VWA8: variants seen among roughly 807,000 people sequenced by gnomAD.
VWA8 encodes von Willebrand factor A domain-containing protein 8.
Under a neutral mutation model 241.5 loss-of-function variants are expected in VWA8, and 221 were observed. The observed-to-expected ratio is 0.91, with a 90% CI of 0.82 to 1.02. VWA8 has a LOEUF of 1.02. Ranked by LOEUF, VWA8 falls within the 50% of genes least tolerant of loss-of-function variation. The probability of loss-of-function intolerance (pLI) is 0.00; values close to 1 mark genes in which losing one functional copy is unlikely to be tolerated. For missense variants in VWA8, 2,322 were observed against 2,328.7 expected, an observed-to-expected ratio of 1.00 and a Z score of 0.06; for synonymous variants, 852 against 827.1, an observed-to-expected ratio of 1.03 and a Z score of -0.52.
chr13:41,686,111 C>G (rs973191403), intron 34 of VWA8, among the ~76,000 whole-genome samples: 1 of 152,122 alleles, frequency 6.6e-6, no homozygotes, highest in Admixed American at 6.6e-5. Context: ...TCATAAAACA[C>G]AGTTTATATG....
chr13:41,848,905 C>CT (rs1872404316), intron 12 of VWA8, among the ~76,000 whole-genome samples: 1 of 152,188 alleles, frequency 6.6e-6, no homozygotes, highest in African/African-American at 2.4e-5. Flanking sequence ...GCTAGGCTGG[C>CT]TAAGGCTCCT....
At chr13:41,750,663 T>G (rs1317390168) in intron 21 of VWA8, among the ~76,000 whole-genome samples, 1 of 152,082 alleles carries the variant, frequency 6.6e-6, no homozygotes, top group Non-Finnish European at 1.5e-5. Flanking sequence ...GAACTAGAAT[T>G]AGAAACCAAG....
intron 12 of VWA8, among the ~76,000 whole-genome samples, chr13:41,843,717 T>C (rs964940298): frequency 2.0e-5 from 3 of 151,586 alleles, no homozygotes; most frequent in Non-Finnish European, 4.4e-5. Flanking sequence ...AACACCTCTC[T>C]GCACACAACT....
intron 12 of VWA8, among the ~76,000 whole-genome samples, chr13:41,836,453 T>C (rs1044621834): frequency 6.6e-6 from 1 of 152,164 alleles, no homozygotes; most frequent in Non-Finnish European, 1.5e-5. Context: ...AGGAATGTCG[T>C]GACTTCAGCA....
chr13:41,608,931 T>C (rs999638650), intron 39 of VWA8, among the ~76,000 whole-genome samples: 3 of 152,204 alleles, frequency 2.0e-5, no homozygotes, highest in Non-Finnish European at 2.9e-5. Context: ...GGAACCCACT[T>C]AGCAGCATTA....
At chr13:41,604,311 T>C (rs1484594874) in intron 40 of VWA8, among the ~76,000 whole-genome samples, 2 of 152,182 alleles carry the variant, frequency 1.3e-5, no homozygotes, top group African/African-American at 2.4e-5. Flanking sequence ...TAACTGCATA[T>C]AGATTTTTTT....
chr13:41,573,025 C>T (rs956039398), intron 43 of VWA8, among the ~76,000 whole-genome samples: 5 of 146,346 alleles, frequency 3.4e-5, no homozygotes, highest in Non-Finnish European at 5.9e-5. Flanking sequence ...AGGAGAGTCG[C>T]TTGGGTGTGG....
chr13:41,896,504 C>T (rs1348061155), intron 4 of VWA8, among the ~76,000 whole-genome samples: 2 of 151,802 alleles, frequency 1.3e-5, no homozygotes, highest in African/African-American at 4.8e-5. Context: ...GTCTATACAG[C>T]AAAAAATATC....
chr13:41,880,262 ATTTT>A (rs536079006), intron 9 of VWA8, among the ~76,000 whole-genome samples: 2 of 152,118 alleles, frequency 1.3e-5, no homozygotes, highest in African/African-American at 4.8e-5. Context: ...AATGGTTAAC[ATTTT>A]TTTAGCACAT....
At chr13:41,733,278 T>A (rs1229235843) in intron 21 of VWA8, among the ~76,000 whole-genome samples, 5 of 152,214 alleles carry the variant, frequency 3.3e-5, no homozygotes, top group Admixed American at 2.0e-4. Context: ...CAAATAACTG[T>A]TTTGCTTTTA....
rs796176307 is a variant in VWA8 at position 41,910,602 on chromosome 13, AAAC to A, written c.372+1433_372+1435del. On this transcript the variant is annotated intron_variant, in intron 3 of 44. Coordinates refer to ENST00000379310, the MANE Select transcript of VWA8 (RefSeq NM_015058.2). ...CCATCTCAAAAAAAACAAAAAAAAAAAACAACAACAAAAATGGCTCTAGATCTG... is the reference window on the plus strand; with the variant it reads ...CCATCTCAAAAAAAACAAAAAAAAAAAACAACAAAAATGGCTCTAGATCTG... 2.6e-4 allele frequency among the ~76,000 whole-genome samples: 40 copies of A among 152,058 alleles called. 2 individuals are homozygous for A. Among genetic ancestry groups the A allele is most frequent in the African/African-American group, 9.4e-4 (39 of 41,482 alleles).
chr13:41,578,183 T>C (rs1413878133), intron 42 of VWA8, among the ~76,000 whole-genome samples: 1 of 152,230 alleles, frequency 6.6e-6, no homozygotes, highest in Non-Finnish European at 1.5e-5. Flanking sequence ...CCTTCCTTTT[T>C]CTTTCTCATC....
At chr13:41,848,748 A>G (rs1872397029) in intron 12 of VWA8, among the ~76,000 whole-genome samples, 1 of 152,206 alleles carries the variant, frequency 6.6e-6, no homozygotes, top group African/African-American at 2.4e-5. Context: ...GCACTGACAG[A>G]ACAGACTAAT....
chr13:41,669,618 G>T (rs1378005828), intron 37 of VWA8, among the ~76,000 whole-genome samples: 1 of 152,142 alleles, frequency 6.6e-6, no homozygotes, highest in Non-Finnish European at 1.5e-5. Context: ...GTTCTATCGT[G>T]AAAAATAAAT....
chr13:41,746,271 C>T (rs1229238347), intron 21 of VWA8, among the ~76,000 whole-genome samples: 2 of 152,120 alleles, frequency 1.3e-5, no homozygotes, highest in Non-Finnish European at 2.9e-5. Flanking sequence ...AGGGACATAA[C>T]AAAACTAAGT....
At chr13:41,852,802 T>TTCCA (rs1318911585) in intron 12 of VWA8, among the ~76,000 whole-genome samples, 2 of 152,198 alleles carry the variant, frequency 1.3e-5, no homozygotes, top group African/African-American at 4.8e-5. Context: ...TCTATTCTGG[T>TTCCA]TCCATCCATC....
chr13:41,856,349 CA>C (rs1872749419), intron 12 of VWA8, among the ~76,000 whole-genome samples: 1 of 152,000 alleles, frequency 6.6e-6, no homozygotes, highest in African/African-American at 2.4e-5. Context: ...CAAAACAAAA[CA>C]AAACAAAACA....
At chr13:41,758,346 TTTCCCA>T (rs2045709045) in intron 21 of VWA8, among the ~76,000 whole-genome samples, 2 of 139,746 alleles carry the variant, frequency 1.4e-5, no homozygotes, top group Non-Finnish European at 3.1e-5. Context: ...TTTTAAATTT[TTTCCCA>T]TTGCTATAGA....
Position 41,593,441 on chromosome 13 carries a change from G to A in VWA8, c.4987-2676C>T, listed in dbSNP as rs982059. Among the ~76,000 whole-genome samples, 434 of 152,172 alleles carry A rather than the reference G, an allele frequency of 2.9e-3. 1 individual carries two copies. The highest frequency in any genetic ancestry group is 9.4e-3 in the African/African-American group (392 of 41,520). On this transcript the variant is annotated intron_variant, in intron 40 of 44. Transcript: ENST00000379310. The stretch of plus-strand genomic sequence containing the variant: ...AAAACTTGATCAGATACCCAGCTAC[G>A]GGTGGCAAGAGGAAGGAATGTGCAC...
Sources: allele counts gnomAD v4.1 joint callset (sites outside exome capture counted in the v4.1 genomes callset), GRCh38; gene constraint gnomAD v4.1.1; transcripts MANE v1.5; gene names NCBI Gene and HGNC (gene_info 2026-07-23, HGNC 2026-07-21).